Variants in SBF2 observed in about 807,000 individuals in gnomAD.
The protein encoded by SBF2 is SET binding factor 2, also known as myotubularin-related protein 13.
Under a neutral mutation model 225.2 loss-of-function variants are expected in SBF2, and 112 were observed. The ratio of observed to expected loss-of-function variants is 0.50; its 90% CI spans 0.43 to 0.58. The LOEUF is 0.58. Among genes scored for constraint, SBF2 ranks in the 20% least tolerant of loss-of-function variants. The probability of loss-of-function intolerance (pLI) is 0.00; values close to 1 mark genes in which losing one functional copy is unlikely to be tolerated. For synonymous variants in SBF2, 763 were observed against 773.3 expected (o/e 0.99, Z 0.22); for missense variants, 1,996 against 2,206.2 (o/e 0.90, Z 1.91).
chr11:9,887,328 C>T (rs985605414), intron 17 of SBF2, among the ~76,000 whole-genome samples: 22 of 152,060 alleles, frequency 1.4e-4, no homozygotes, highest in South Asian at 1.0e-3. Context: ...CCCCAGTTTC[C>T]TTCTATCACT....
chr11:9,886,544 T>TC (rs1860320152), intron 17 of SBF2, among the ~76,000 whole-genome samples: 1 of 151,552 alleles, frequency 6.6e-6, no homozygotes, highest in Admixed American at 6.6e-5. Context: ...TGTAGTTCTT[T>TC]GGTTTTAGTT....
chr11:10,237,318 G>GC (rs1323563150), intron 1 of SBF2, among the ~76,000 whole-genome samples: 3 of 152,178 alleles, frequency 2.0e-5, no homozygotes, highest in Non-Finnish European at 4.4e-5. Flanking sequence ...CTGCACTCCA[G>GC]CCTGAGCAAC....
intron 2 of SBF2, among the ~76,000 whole-genome samples, chr11:10,123,537 A>G (rs545549660): frequency 6.6e-6 from 1 of 152,290 alleles, no homozygotes; most frequent in East Asian, 1.9e-4. Context: ...AAATACAAAA[A>G]TTAAAATCAC....
At position 9,851,839 on chromosome 11, in the gene SBF2, C is replaced by T. The variant is rs533269330; in HGVS notation, c.2610+837G>A. ...AGGCTGGAGTGCAATGACATGATCT[C>T]AGCTCACTGCAGCCTCAACCTCTTG... On this transcript the variant is annotated intron_variant, in intron 21 of 39. Coordinates refer to ENST00000256190, the MANE Select transcript of SBF2 (RefSeq NM_030962.4). Among the ~76,000 whole-genome samples, 5 of 152,286 alleles carry T rather than the reference C, an allele frequency of 3.3e-5. No individual in the cohort carries two copies. In the East Asian group the frequency reaches 7.7e-4, roughly 24 times the overall value.
chr11:9,782,573 T>C lies in SBF2; in HGVS notation c.5320-935A>G, dbSNP rs116692402. 3.0e-3 allele frequency among the ~76,000 whole-genome samples: 453 copies of C among 152,306 alleles called. 1 individual carries two copies. The highest frequency in any genetic ancestry group is 9.7e-3 in the African/African-American group (404 of 41,568). On this transcript the variant is annotated intron_variant, in intron 38 of 39. Coordinates refer to ENST00000256190, the MANE Select transcript of SBF2 (RefSeq NM_030962.4). ...CTAAAATTTAGAATGTTTATGCCTA[T>C]TGAAACATCTTTCCAGGCCGGGCAC...
intron 16 of SBF2, among the ~76,000 whole-genome samples, chr11:9,953,593 C>T (rs1865985722): frequency 6.6e-6 from 1 of 152,128 alleles, no homozygotes; most frequent in Admixed American, 6.5e-5. Flanking sequence ...TATTCTTTTT[C>T]CAATGTTCCA....
intron 1 of SBF2, among the ~76,000 whole-genome samples, chr11:10,267,994 A>T (rs1454476554): frequency 6.6e-6 from 1 of 152,172 alleles, no homozygotes. Flanking sequence ...ATTTGGTAAA[A>T]CATCTGTCTC....
chr11:10,194,807 G>A (rs1315449987), intron 1 of SBF2, among the ~76,000 whole-genome samples: 2 of 152,086 alleles, frequency 1.3e-5, no homozygotes, highest in Non-Finnish European at 2.9e-5. Flanking sequence ...CACTGCACCT[G>A]GCCATTATTC....
intron 16 of SBF2, among the ~76,000 whole-genome samples, chr11:9,949,058 A>G (rs949353731): frequency 3.3e-5 from 5 of 152,166 alleles, no homozygotes; most frequent in Non-Finnish European, 5.9e-5. Context: ...AAGGAAAGAA[A>G]GAAGGAAAGA....
rs557809489 is a variant in SBF2 at position 9,987,623 on chromosome 11, C to A, written c.1395+1874G>T. On this transcript the variant is annotated intron_variant, in intron 13 of 39. Coordinates refer to ENST00000256190, the MANE Select transcript of SBF2 (RefSeq NM_030962.4). ...AATCAGAAGCTCTTCAATAAACCAA[C>A]AGCGACCAAGCAGAGAACCAAATCA... 2.9e-4 allele frequency among the ~76,000 whole-genome samples: 44 copies of A among 152,182 alleles called. No individual in the cohort carries two copies. The South Asian group carries it at 5.2e-3, about 18-fold the overall frequency.
At chr11:9,924,817 C>G (rs1863906205) in intron 16 of SBF2, among the ~76,000 whole-genome samples, 1 of 152,134 alleles carries the variant, frequency 6.6e-6, no homozygotes, top group African/African-American at 2.4e-5. Flanking sequence ...GGCATGATCA[C>G]AGCTCACTGC....
chr11:10,145,491 T>A (rs1377937833), intron 2 of SBF2, among the ~76,000 whole-genome samples: 2 of 152,132 alleles, frequency 1.3e-5, no homozygotes, highest in African/African-American at 2.4e-5. Flanking sequence ...GGGAGGGGTA[T>A]AAAAGAGCTT....
At chr11:9,883,876 A>G (rs1860035162) in intron 17 of SBF2, among the ~76,000 whole-genome samples, 1 of 152,154 alleles carries the variant, frequency 6.6e-6, no homozygotes, top group Admixed American at 6.5e-5. Flanking sequence ...GGAGGCTAGA[A>G]TCTCCAAGCA....
intron 1 of SBF2, among the ~76,000 whole-genome samples, chr11:10,221,698 T>C (rs1958344682): frequency 6.6e-6 from 1 of 151,942 alleles, no homozygotes. Flanking sequence ...TACCTATATA[T>C]AAATAGGTAT....
chr11:9,908,576 G>A (rs554238604), intron 16 of SBF2, among the ~76,000 whole-genome samples: 5 of 152,300 alleles, frequency 3.3e-5, no homozygotes, highest in East Asian at 3.9e-4. Flanking sequence ...GCAGTGAGCC[G>A]AGATCACGCT....
At chr11:10,113,683 G>GT (rs1952988352) in intron 2 of SBF2, among the ~76,000 whole-genome samples, 1 of 151,842 alleles carries the variant, frequency 6.6e-6, no homozygotes, top group South Asian at 2.1e-4. Flanking sequence ...GAGATGTGTG[G>GT]TAAATGTCAC....
intron 2 of SBF2, among the ~76,000 whole-genome samples, chr11:10,123,824 C>T (rs1953601743): frequency 6.6e-6 from 1 of 152,118 alleles, no homozygotes; most frequent in Non-Finnish European, 1.5e-5. Flanking sequence ...CCACATCTTG[C>T]TTTTCTCACT....
chr11:10,212,789 C>T (rs1004283940), intron 1 of SBF2, among the ~76,000 whole-genome samples: 7 of 152,310 alleles, frequency 4.6e-5, no homozygotes, highest in African/African-American at 1.2e-4. Flanking sequence ...CGCTGGCTCA[C>T]GCCTGTAACC....
chr11:10,120,410 A>G (rs1216580309), intron 2 of SBF2, among the ~76,000 whole-genome samples: 1 of 152,186 alleles, frequency 6.6e-6, no homozygotes, highest in African/African-American at 2.4e-5. Flanking sequence ...TATCTTTGCA[A>G]TTCTCCTTGA....
Sources: gnomAD v4.1 joint callset for allele counts (sites outside exome capture counted in the v4.1 genomes callset) on GRCh38, gnomAD v4.1.1 for gene constraint, MANE v1.5 for transcripts, NCBI Gene and HGNC (gene_info 2026-07-23, HGNC 2026-07-21) for gene names.